Variants in CSMD1 observed in about 807,000 individuals in gnomAD.
The protein encoded by CSMD1 is CUB and Sushi multiple domains 1.
CSMD1 carries 213 observed loss-of-function variants against 417.5 expected under a neutral mutation model. The ratio of observed to expected loss-of-function variants is 0.51; its 90% confidence interval spans 0.46 to 0.57. The LOEUF (loss-of-function observed/expected upper bound fraction) is 0.57, where lower values mean the gene tolerates loss of function less well. CSMD1 is among the 20% of genes least tolerant of loss of function. The pLI is 0.00. For synonymous variants in CSMD1, 2,862 were observed against 1,736.8 expected, an observed-to-expected ratio of 1.65 and a Z score of -16.11; for missense variants, 6,923 against 4,529.7, an observed-to-expected ratio of 1.53 and a Z score of -15.17.
Position 4,908,320 on chromosome 8 carries a change from T to C in CSMD1, c.85+86012A>G, listed in dbSNP as rs1247299587. Reference sequence around the variant, plus strand: ...CTGGTTTTGTGCAGTATGCATATGATATAGGTAGGTGTAGATAATTTGGGA... The same window carrying C: ...CTGGTTTTGTGCAGTATGCATATGACATAGGTAGGTGTAGATAATTTGGGA... On this transcript the variant is annotated intron_variant, in intron 1 of 69. Coordinates refer to ENST00000635120, the MANE Select transcript of CSMD1 (RefSeq NM_033225.6). Among the ~76,000 whole-genome samples, 4 of 152,210 alleles carry C rather than the reference T, an allele frequency of 2.6e-5. No individual in the cohort carries two copies. In the East Asian group the frequency reaches 7.7e-4, roughly 29 times the overall value.
chr8:3,048,793 G>T (rs550262289), intron 50 of CSMD1, among the ~76,000 whole-genome samples: 1 of 150,484 alleles, frequency 6.6e-6, no homozygotes, highest in African/African-American at 2.5e-5. Context: ...AAAATGAAAA[G>T]ACCAGCCACA....
chr8:3,869,703 T>A (rs897776613), intron 5 of CSMD1, among the ~76,000 whole-genome samples: 6 of 152,064 alleles, frequency 3.9e-5, no homozygotes, highest in Admixed American at 1.3e-4. Context: ...GCCAGGAGCA[T>A]GTGGGGAAGC....
At chr8:4,817,882 C>A (rs1158367860) in intron 1 of CSMD1, among the ~76,000 whole-genome samples, 2 of 152,064 alleles carry the variant, frequency 1.3e-5, no homozygotes, top group Non-Finnish European at 2.9e-5. Context: ...AGAGTTTCAG[C>A]AAAGAACATT....
chr8:3,320,919 G>C (rs548587839), intron 23 of CSMD1, among the ~76,000 whole-genome samples: 34 of 152,260 alleles, frequency 2.2e-4, no homozygotes, highest in African/African-American at 7.7e-4. Flanking sequence ...ACCGTAAAGC[G>C]TTCAGTAGCA....
chr8:4,791,864 T>A (rs546149699), intron 1 of CSMD1, among the ~76,000 whole-genome samples: 71 of 151,974 alleles, frequency 4.7e-4, no homozygotes, highest in Non-Finnish European at 6.2e-4. Context: ...CAAAAAAAAA[T>A]TTTTTTAGCT....
At chr8:4,221,799 C>G (rs1416521880) in intron 3 of CSMD1, among the ~76,000 whole-genome samples, 5 of 152,122 alleles carry the variant, frequency 3.3e-5, no homozygotes, top group Non-Finnish European at 7.3e-5. Context: ...AGGTGGACCT[C>G]CAAATCTCCT....
At chr8:3,920,827 T>G (rs1440268571) in intron 5 of CSMD1, among the ~76,000 whole-genome samples, 1 of 152,188 alleles carries the variant, frequency 6.6e-6, no homozygotes, top group African/African-American at 2.4e-5. Context: ...AAATCTCACC[T>G]GACTGTGGTG....
At chr8:4,727,803 T>C (rs929239469) in intron 1 of CSMD1, among the ~76,000 whole-genome samples, 1 of 151,454 alleles carries the variant, frequency 6.6e-6, no homozygotes, top group Admixed American at 6.6e-5. Flanking sequence ...AATATATATG[T>C]TTGGTACATG....
chr8:3,080,648 G>C (rs1167055888), intron 49 of CSMD1, among the ~76,000 whole-genome samples: 3 of 152,194 alleles, frequency 2.0e-5, no homozygotes, highest in African/African-American at 4.8e-5. Context: ...TTCGGGATGG[G>C]TTTGGAGTGG....
intron 3 of CSMD1, among the ~76,000 whole-genome samples, chr8:4,091,467 C>T (rs1229323936): frequency 6.6e-6 from 1 of 152,066 alleles, no homozygotes; most frequent in African/African-American, 2.4e-5. Flanking sequence ...AAACAGCAAA[C>T]AGAGGGATTT....
chr8:3,766,849 T>C (rs1020785056), intron 5 of CSMD1, among the ~76,000 whole-genome samples: 2 of 152,114 alleles, frequency 1.3e-5, no homozygotes, highest in Non-Finnish European at 2.9e-5. Context: ...GAGTCTACCA[T>C]TTTCTTTTTT....
intron 3 of CSMD1, among the ~76,000 whole-genome samples, chr8:4,400,025 TAGAC>T (rs757596264): frequency 2.6e-5 from 4 of 152,018 alleles, no homozygotes; most frequent in Non-Finnish European, 5.9e-5. Context: ...CTAGTGGAGG[TAGAC>T]AGACACACAC....
intron 1 of CSMD1, among the ~76,000 whole-genome samples, chr8:4,666,944 A>G (rs1436910517): frequency 6.6e-6 from 1 of 152,144 alleles, no homozygotes; most frequent in African/African-American, 2.4e-5. Context: ...CAATTTGTGA[A>G]GCATTTATAA....
At chr8:3,310,306 G>T (rs1400591286) in intron 23 of CSMD1, among the ~76,000 whole-genome samples, 1 of 152,086 alleles carries the variant, frequency 6.6e-6, no homozygotes, top group African/African-American at 2.4e-5. Flanking sequence ...GAAAAAAGAA[G>T]CAGAAGTCTT....
intron 1 of CSMD1, among the ~76,000 whole-genome samples, chr8:4,689,668 T>A (rs1806635251): frequency 6.6e-6 from 1 of 151,658 alleles, no homozygotes; most frequent in Admixed American, 6.6e-5. Flanking sequence ...CCAAGTAATC[T>A]TTTTTTTGCG....
chr8:3,856,973 G>C (rs1804355880), intron 5 of CSMD1, among the ~76,000 whole-genome samples: 1 of 151,326 alleles, frequency 6.6e-6, no homozygotes. Flanking sequence ...GTAGAATTTG[G>C]AATTTTTTTT....
chr8:4,683,990 T>C (rs940294528), intron 1 of CSMD1, among the ~76,000 whole-genome samples: 2 of 152,228 alleles, frequency 1.3e-5, no homozygotes, highest in Admixed American at 1.3e-4. Context: ...ATATTCAGTA[T>C]CACTGACTGA....
intron 34 of CSMD1, among the ~76,000 whole-genome samples, chr8:3,189,229 G>C (rs561451566): frequency 9.2e-5 from 14 of 152,302 alleles, no homozygotes; most frequent in African/African-American, 2.6e-4. Context: ...TAGATCTTGA[G>C]TCTATAAATA....
chr8:4,430,405 G>A (rs954566331), intron 2 of CSMD1, among the ~76,000 whole-genome samples: 2 of 152,154 alleles, frequency 1.3e-5, no homozygotes, highest in African/African-American at 4.8e-5. Context: ...TTACCTCATG[G>A]TTATGACATA....
Sources: gnomAD v4.1 joint callset for allele counts (sites outside exome capture counted in the v4.1 genomes callset) on GRCh38, gnomAD v4.1.1 for gene constraint, MANE v1.5 for transcripts, NCBI Gene and HGNC (gene_info 2026-07-23, HGNC 2026-07-21) for gene names.